The following PPM1L variants were observed in gnomAD, a reference collection of about 807,000 sequenced individuals.
The protein encoded by PPM1L is protein phosphatase 1L.
PPM1L carries 13 observed loss-of-function variants against 31.4 expected under a neutral mutation model. The ratio of observed to expected loss-of-function variants is 0.41; its 90% CI spans 0.27 to 0.66. The LOEUF (loss-of-function observed/expected upper bound fraction) is 0.66. PPM1L is among the 30% of genes least tolerant of loss of function. The probability of loss-of-function intolerance (pLI) is 0.29; values close to 1 mark genes in which losing one functional copy is unlikely to be tolerated. For missense variants in PPM1L, 326 were observed against 453.7 expected, an observed-to-expected ratio of 0.72 and a Z score of 2.56; for synonymous variants, 184 against 175.4, an observed-to-expected ratio of 1.05 and a Z score of -0.39.
chr3:160,875,548 T>G (rs774930292), intron 1 of PPM1L, among the ~76,000 whole-genome samples: 3 of 152,314 alleles, frequency 2.0e-5, no homozygotes, highest in Non-Finnish European at 4.4e-5. Flanking sequence ...GATTTGATAT[T>G]CCACCTAATA....
At position 161,070,612 on chromosome 3, in the gene PPM1L, C is replaced by T. The variant is rs1362324822; in HGVS notation, c.*1455C>T. 6.6e-6 allele frequency: 1 copy of T among 152,258 alleles called. No individual in the cohort carries two copies. Among genetic ancestry groups the T allele is most frequent in the Non-Finnish European group, 1.5e-5 (1 of 68,066 alleles). The allele number at this position is 152,258 out of a possible 1,614,324, so 9.4% of individuals were successfully genotyped here. On this transcript the variant is annotated 3_prime_UTR_variant, in exon 4 of 4. Coordinates refer to ENST00000498165, the MANE Select transcript of PPM1L (RefSeq NM_139245.4). ...TTTAGAGAAAATGCTGGGTCACTCT[C>T]TTTGCCTAAGGTGACTCAAACAGCC...
intron 1 of PPM1L, among the ~76,000 whole-genome samples, chr3:160,882,948 T>G (rs1244080090): frequency 6.6e-6 from 1 of 152,194 alleles, no homozygotes; most frequent in East Asian, 1.9e-4. Context: ...GGTTCAGGGA[T>G]GGGGAGAAAA....
chr3:160,808,557 TG>T (rs567359364), intron 1 of PPM1L, among the ~76,000 whole-genome samples: 117 of 152,244 alleles, frequency 7.7e-4, no homozygotes, highest in African/African-American at 2.7e-3. Context: ...TGACCCCAGC[TG>T]GCTCATTTTC....
chr3:160,879,928 T>C (rs1472588035), intron 1 of PPM1L, among the ~76,000 whole-genome samples: 1 of 152,202 alleles, frequency 6.6e-6, no homozygotes, highest in East Asian at 1.9e-4. Flanking sequence ...TTGCCGTGTG[T>C]TGAGATGATG....
intron 2 of PPM1L, among the ~76,000 whole-genome samples, chr3:160,966,388 G>C (rs574668252): frequency 6.6e-6 from 1 of 152,138 alleles, no homozygotes; most frequent in Non-Finnish European, 1.5e-5. Context: ...CTCACTCTAA[G>C]CATTTTAAAA....
chr3:160,984,655 G>A (rs567607021), intron 2 of PPM1L, among the ~76,000 whole-genome samples: 3 of 152,254 alleles, frequency 2.0e-5, no homozygotes, highest in Admixed American at 2.0e-4. Context: ...GCTTCAGCTG[G>A]TCCCTCTGTT....
At chr3:161,049,054 A>G (rs185138010) in intron 2 of PPM1L, among the ~76,000 whole-genome samples, 1,716 of 149,426 alleles carry the variant, frequency 0.011, 45 homozygotes, top group African/African-American at 0.041. Context: ...GGTTGTGAAC[A>G]TGTACCCTAG....
At chr3:160,935,981 A>G (rs1332836134) in intron 1 of PPM1L, among the ~76,000 whole-genome samples, 1 of 152,230 alleles carries the variant, frequency 6.6e-6, no homozygotes, top group Non-Finnish European at 1.5e-5. Context: ...AGATTCGGCA[A>G]TAAACTAAGA....
At chr3:160,772,483 G>A (rs1219212351) in intron 1 of PPM1L, among the ~76,000 whole-genome samples, 1 of 152,234 alleles carries the variant, frequency 6.6e-6, no homozygotes, top group Non-Finnish European at 1.5e-5. Flanking sequence ...GATAAAGGGA[G>A]AAGGTCATCT....
chr3:161,011,050 G>A (rs1717877605), intron 2 of PPM1L, among the ~76,000 whole-genome samples: 1 of 152,140 alleles, frequency 6.6e-6, no homozygotes, highest in South Asian at 2.1e-4. Flanking sequence ...TTTGGCTTTT[G>A]TTGCCATTGC....
chr3:160,805,214 TA>T (rs1712560162), intron 1 of PPM1L, among the ~76,000 whole-genome samples: 1 of 152,244 alleles, frequency 6.6e-6, no homozygotes, highest in Non-Finnish European at 1.5e-5. Flanking sequence ...TGAAGTCTAA[TA>T]AGTGTGCTTT....
chr3:160,957,798 G>C (rs968750328), intron 1 of PPM1L, among the ~76,000 whole-genome samples: 1 of 151,970 alleles, frequency 6.6e-6, no homozygotes, highest in Non-Finnish European at 1.5e-5. Context: ...GGATGGTCTT[G>C]ATCTCCTGAC....
At chr3:160,990,348 A>G (rs549533839) in intron 2 of PPM1L, among the ~76,000 whole-genome samples, 1 of 152,322 alleles carries the variant, frequency 6.6e-6, no homozygotes, top group African/African-American at 2.4e-5. Flanking sequence ...AATGAAATTC[A>G]TAGATAATAT....
intron 2 of PPM1L, among the ~76,000 whole-genome samples, chr3:160,966,046 C>T (rs990250775): frequency 6.6e-6 from 1 of 151,954 alleles, no homozygotes; most frequent in Non-Finnish European, 1.5e-5. Context: ...CCTTGCCTAT[C>T]CATGAATTCA....
intron 1 of PPM1L, among the ~76,000 whole-genome samples, chr3:160,884,795 C>A (rs1712851352): frequency 6.6e-6 from 1 of 152,036 alleles, no homozygotes. Flanking sequence ...ATTTTAAGAC[C>A]ACTAAATAAA....
intron 1 of PPM1L, among the ~76,000 whole-genome samples, chr3:160,792,964 A>T (rs775556619): frequency 3.9e-5 from 6 of 152,204 alleles, no homozygotes; most frequent in Non-Finnish European, 8.8e-5. Flanking sequence ...GGGTTGTGTG[A>T]TGTTTTTCTC....
chr3:160,860,626 G>T (rs1212678177), intron 1 of PPM1L, among the ~76,000 whole-genome samples: 2 of 152,280 alleles, frequency 1.3e-5, no homozygotes, highest in South Asian at 4.1e-4. Context: ...ACAAAGCCAG[G>T]ACTTTATATC....
intron 2 of PPM1L, among the ~76,000 whole-genome samples, chr3:160,965,492 A>G (rs1246332283): frequency 6.6e-6 from 1 of 152,070 alleles, no homozygotes; most frequent in Non-Finnish European, 1.5e-5. Context: ...TATAAAATAG[A>G]CTTTGTGTTA....
intron 2 of PPM1L, among the ~76,000 whole-genome samples, chr3:161,019,865 C>G (rs994672854): frequency 6.6e-6 from 1 of 152,146 alleles, no homozygotes; most frequent in African/African-American, 2.4e-5. Context: ...GTGGCTCATG[C>G]CTGTAATACC....
Sources: gnomAD v4.1 joint callset for allele counts (sites outside exome capture counted in the v4.1 genomes callset) on GRCh38, gnomAD v4.1.1 for gene constraint, MANE v1.5 for transcripts, NCBI Gene and HGNC (gene_info 2026-07-23, HGNC 2026-07-21) for gene names.